The following COQ9 variants were observed in gnomAD, a reference collection of about 807,000 sequenced individuals.
COQ9 encodes coenzyme Q9, also known as ubiquinone biosynthesis protein COQ9, mitochondrial.
COQ9 carries 35 observed loss-of-function variants against 42.4 expected under a neutral mutation model. The observed-to-expected ratio is 0.83, with a 90% CI of 0.63 to 1.10. COQ9 has a LOEUF of 1.10. Among genes scored for constraint, COQ9 ranks in the 50% least tolerant of loss-of-function variants. The pLI is 0.00. For missense variants in COQ9, 406 were observed against 414.6 expected (o/e 0.98, Z 0.18); for synonymous variants, 155 against 155.1 (o/e 1.00, Z 0.00).
rs223864 is a variant in COQ9 at position 57,451,068 on chromosome 16, G to A, written c.102G>A (p.Pro34=). The A allele has an allele frequency of 0.03, 47,870 of 1,613,974 alleles. 813 individuals are homozygous for A. Among genetic ancestry groups the A allele is most frequent in the Middle Eastern group, 0.053 (317 of 6,032 alleles). The change falls in exon 2 of 9, where the codon CCG becomes CCA. Residue 34 remains proline, a synonymous_variant. Transcript: ENST00000262507. ...CCCGTTGCCGACAAGCCCTGGTGCC[G>A]CGTGCCTTCCATGCTTCAGCTGTGG... The part of the protein sequence containing the change: ...PVARCRQALV[P]RAFHASAVGL...
At chr16:57,460,537 C>G (rs373649129) in intron 8 of COQ9, 52 bp from the exon 9 acceptor site, 36 of 1,563,408 alleles carry the variant, frequency 2.3e-5, no homozygotes, top group Non-Finnish European at 3.2e-5. Flanking sequence ...CTATTAGAGT[C>G]TAGAGGCAAG....
intron 3 of COQ9, among the ~76,000 whole-genome samples, chr16:57,455,470 T>C (rs890319606): frequency 4.0e-4 from 61 of 150,854 alleles, no homozygotes; most frequent in African/African-American, 1.5e-3. Flanking sequence ...TAATGTCATA[T>C]GAGAGGGGAG....
intron 6 of COQ9, 46 bp from the exon 7 acceptor site, chr16:57,459,519 C>T: frequency 6.2e-7 from 1 of 1,611,760 alleles, no homozygotes; most frequent in Non-Finnish European, 8.5e-7. Flanking sequence ...TAGGAACTGC[C>T]TCAGACTTGC....
intron 6 of COQ9, 114 bp downstream of exon 6, chr16:57,458,464 C>T: frequency 1.3e-6 from 1 of 788,610 alleles, no homozygotes; most frequent in South Asian, 1.5e-5. Flanking sequence ...GCTGCAGTGT[C>T]ATTCCCATCT....
rs370730843 is a variant in COQ9, at chr16:57,457,007, T to C, written c.598T>C (p.Trp200Arg). 6.0e-5 allele frequency: 97 copies of C among 1,613,094 alleles called. No homozygotes were observed. The highest frequency in any genetic ancestry group is 8.0e-5 in the Non-Finnish European group (94 of 1,179,140). Residue 200 changes from tryptophan (W) to arginine (R), a missense_variant, in exon 5 of 9, where the codon TGG becomes CGG. Trp to Arg is a moderately radical substitution (Grantham distance 101). Coordinates refer to ENST00000262507, the MANE Select transcript of COQ9 (RefSeq NM_020312.4). ...AATGCTGATCCCATACATTGAGCAC[T>C]GGCCCCGGGTACCAAGTCTATATCC... ...LRMLIPYIEH[W>R]PRALSILMLP...
chr16:57,460,025 G>A (rs1213587215), intron 7 of COQ9, 26 bp from the exon 8 acceptor site: 1 of 1,612,956 alleles, frequency 6.2e-7, no homozygotes, highest in East Asian at 2.2e-5. Context: ...GGTGGCCTAA[G>A]GGAACCTGAC....
Position 57,458,333 on chromosome 16 carries a change from G to A in COQ9, c.694G>A (p.Gly232Arg). The A allele has an allele frequency of 6.2e-7, 1 of 1,611,876 alleles. No homozygotes were observed. Among genetic ancestry groups the A allele is most frequent in the South Asian group, 1.1e-5 (1 of 90,552 alleles). Residue 232 changes from glycine to arginine, a missense_variant, in exon 6 of 9, where the codon GGG becomes AGG. Gly to Arg is a moderately radical substitution (Grantham distance 125). Coordinates refer to ENST00000262507, the MANE Select transcript of COQ9 (RefSeq NM_020312.4). ...GGTGGATGACATGTGGCATTACGCT[G>A]GGGACCAGTCCACTGATGTGAGTGC... The part of the protein sequence containing the change: ...SMVDDMWHYA[G>R]DQSTDFNWYT...
chr16:57,452,998 C>A, intron 3 of COQ9, 62 bp downstream of exon 3: 1 of 1,604,774 alleles, frequency 6.2e-7, no homozygotes, highest in South Asian at 1.1e-5. Context: ...TCACACCAGG[C>A]AGAGCGGGGG....
At chr16:57,460,555 C>T (rs929764652) in intron 8 of COQ9, 34 bp from the exon 9 acceptor site, 10 of 1,610,254 alleles carry the variant, frequency 6.2e-6, no homozygotes, top group Non-Finnish European at 8.5e-6. Flanking sequence ...AAGGTAAGCC[C>T]TCACTATTCT....
intron 6 of COQ9, among the ~76,000 whole-genome samples, chr16:57,459,026 T>A (rs185834140): frequency 6.6e-6 from 1 of 152,136 alleles, no homozygotes; most frequent in East Asian, 1.9e-4. Flanking sequence ...AGCAAAGAAA[T>A]TAAAGGAATA....
intron 5 of COQ9, 124 bp downstream of exon 5, chr16:57,457,139 A>C: frequency 1.3e-6 from 1 of 795,098 alleles, no homozygotes. Context: ...TATAAACCCG[A>C]CAATACTTAG....
chr16:57,457,041 G>A (rs1274174788), intron 5 of COQ9, 26 bp downstream of exon 5: 1 of 1,518,024 alleles, frequency 6.6e-7, no homozygotes, highest in Non-Finnish European at 9.2e-7. Flanking sequence ...CCAGGCCCCA[G>A]AGCAACAATA....
Position 57,452,843 on chromosome 16 carries a change from T to C in COQ9, c.285T>C (p.Ser95=), listed in dbSNP as rs755987442. Residue 95 remains serine (S), a synonymous_variant, in exon 3 of 9, where the codon AGT becomes AGC. Coordinates refer to ENST00000262507, the MANE Select transcript of COQ9 (RefSeq NM_020312.4). ...QGGEEEEDYE[S]EEQLQHRILT... is the part of the protein sequence containing the mutation. Reference sequence around the variant, plus strand: ...GCGAGGAGGAGGAGGACTATGAAAGTGAGGAGCAGTTGCAGCACCGCATCC... The same window carrying C: ...GCGAGGAGGAGGAGGACTATGAAAGCGAGGAGCAGTTGCAGCACCGCATCC... 38 of 1,613,468 alleles carry C rather than the reference T, an allele frequency of 2.4e-5. No individual in the cohort carries two copies. In the African/African-American group the frequency reaches 4.0e-4, roughly 17 times the overall value.
intron 1 of COQ9, 34 bp downstream of exon 1, chr16:57,447,612 A>G (rs933487949): frequency 1.6e-6 from 2 of 1,241,136 alleles, no homozygotes; most frequent in African/African-American, 1.6e-5. Context: ...AGAGGCGGGG[A>G]GCGCGGAGGG....
chr16:57,458,320 G>T lies in COQ9; in HGVS notation c.681G>T (p.Met227Ile). 6.2e-7 allele frequency: 1 copy of T among 1,613,016 alleles called. No homozygotes were observed. The highest frequency in any genetic ancestry group is 2.2e-5 in the East Asian group (1 of 44,834). ...TGCTCACCAGCATGGTGGATGACATGTGGCATTACGCTGGGGACCAGTCCA... is the reference window on the plus strand; with the variant it reads ...TGCTCACCAGCATGGTGGATGACATTTGGCATTACGCTGGGGACCAGTCCA... ...LSLLTSMVDD[M>I]WHYAGDQSTD... is the part of the protein sequence containing the mutation. Residue 227 changes from methionine to isoleucine, a missense_variant, in exon 6 of 9, where the codon ATG becomes ATT. Transcript: ENST00000262507.
chr16:57,460,214 C>CT (rs2030504080), intron 8 of COQ9, 110 bp downstream of exon 8: 2 of 1,123,238 alleles, frequency 1.8e-6, no homozygotes. Flanking sequence ...AAACAATAAT[C>CT]TAATAATAAG....
In COQ9 at chr16:57,452,898, C is replaced by A; in HGVS notation, c.340C>A (p.His114Asn). The change falls in exon 3 of 9, where the codon CAC becomes AAC. Residue 114 changes from histidine (H) to asparagine (N), a missense_variant. His to Asn is a moderately conservative substitution (Grantham distance 68, BLOSUM62 1). Transcript: ENST00000262507. ...LTAALEFVPA[H>N]GWTAEAIAEG... ...GGCAGCCCTTGAGTTTGTGCCCGCC[C>A]ACGGGTGGACAGCAGAGGCGATTGC... 6.2e-7 allele frequency: 1 copy of A among 1,613,808 alleles called. No homozygotes were observed. Among genetic ancestry groups the A allele is most frequent in the Non-Finnish European group, 8.5e-7 (1 of 1,179,980 alleles).
chr16:57,453,266 A>G, intron 3 of COQ9: 2 of 408,766 alleles, frequency 4.9e-6, no homozygotes, highest in South Asian at 4.6e-5. Context: ...TAAAAAAGAA[A>G]ACATACTGCC....
chr16:57,455,230 G>C (rs1397781964), intron 3 of COQ9, among the ~76,000 whole-genome samples: 1 of 151,946 alleles, frequency 6.6e-6, no homozygotes, highest in Admixed American at 6.6e-5. Flanking sequence ...AAGAGGACCA[G>C]CTTTGGGGAA....
Sources: allele counts gnomAD v4.1 joint callset (sites outside exome capture counted in the v4.1 genomes callset), GRCh38; gene constraint gnomAD v4.1.1; transcripts MANE v1.5; gene names NCBI Gene and HGNC (gene_info 2026-07-23, HGNC 2026-07-21).